Variants in PDZRN4 observed in about 807,000 individuals in gnomAD.
The protein encoded by PDZRN4 is PDZ domain-containing RING finger protein 4.
In PDZRN4, 70 loss-of-function variants were observed where a neutral mutation model predicts 99.0. The observed-to-expected ratio is 0.71, with a 90% CI of 0.58 to 0.86. The LOEUF (loss-of-function observed/expected upper bound fraction) is 0.86. PDZRN4 is among the 40% of genes least tolerant of loss of function. The pLI is 0.00. For synonymous variants in PDZRN4, 551 were observed against 501.6 expected (o/e 1.10, Z -1.32); for missense variants, 1,474 against 1,331.2 (o/e 1.11, Z -1.67).
At position 41,188,604 on chromosome 12, in the gene PDZRN4, G is replaced by A. The variant is rs1950709973; in HGVS notation, c.149G>A (p.Arg50His). Residue 50 changes from arginine to histidine, a missense_variant, in exon 1 of 10, where the codon CGC (arginine) becomes CAC (histidine). Arg to His is a conservative substitution (Grantham distance 29). Transcript: ENST00000402685. ...SCLLPWAVRR[R>H]RCPLQCQPLA... is the part of the protein sequence containing the mutation. ...CTGTTGCCCTGGGCGGTGCGGAGGC[G>A]CCGGTGCCCGCTGCAGTGCCAGCCC... 1.2e-5 allele frequency: 18 copies of A among 1,539,386 alleles called. No homozygotes were observed. The highest frequency in any genetic ancestry group is 1.6e-5 in the Non-Finnish European group (18 of 1,149,292).
intron 3 of PDZRN4, chr12:41,410,015 A>G (rs1017782197): frequency 6.6e-6 from 1 of 152,224 alleles, no homozygotes; most frequent in African/African-American, 2.4e-5. Flanking sequence ...CATCTGCAAT[A>G]ACCCTGTTTT....
At chr12:41,262,087 T>C (rs1951244284) in intron 3 of PDZRN4, among the ~76,000 whole-genome samples, 1 of 152,190 alleles carries the variant, frequency 6.6e-6, no homozygotes, top group South Asian at 2.1e-4. Flanking sequence ...GCCTCCCCCG[T>C]GATTCCATTT....
intron 3 of PDZRN4, among the ~76,000 whole-genome samples, chr12:41,217,809 CCT>C (rs1950931218): frequency 6.6e-6 from 1 of 151,958 alleles, no homozygotes; most frequent in East Asian, 1.9e-4. Flanking sequence ...ACATTTTGGC[CCT>C]GTTTCCCAGT....
chr12:41,304,360 C>A (rs1951556320), intron 3 of PDZRN4, among the ~76,000 whole-genome samples: 2 of 152,116 alleles, frequency 1.3e-5, no homozygotes, highest in African/African-American at 4.8e-5. Flanking sequence ...AATCCAAAAA[C>A]TAAAAATAAA....
At chr12:41,327,552 G>A (rs1037657050) in intron 3 of PDZRN4, among the ~76,000 whole-genome samples, 1 of 152,148 alleles carries the variant, frequency 6.6e-6, no homozygotes, top group Non-Finnish European at 1.5e-5. Flanking sequence ...TAAAACCTAT[G>A]TGTAGCTTGT....
intron 3 of PDZRN4, among the ~76,000 whole-genome samples, chr12:41,441,465 T>C (rs557552191): frequency 8.5e-5 from 13 of 152,154 alleles, no homozygotes; most frequent in Non-Finnish European, 1.6e-4. Flanking sequence ...GAACCTGCAT[T>C]GAAAGTAACA....
At chr12:41,374,826 G>A (rs1952067965) in intron 3 of PDZRN4, among the ~76,000 whole-genome samples, 1 of 152,180 alleles carries the variant, frequency 6.6e-6, no homozygotes, top group South Asian at 2.1e-4. Flanking sequence ...AAGAGGTGAA[G>A]TTGAAATTTA....
chr12:41,222,935 C>T (rs74828918), intron 3 of PDZRN4, among the ~76,000 whole-genome samples: 3,714 of 152,224 alleles, frequency 0.024, 113 homozygotes, highest in African/African-American at 0.072. Context: ...ATAATTCTTA[C>T]CTTGGCTAGA....
At chr12:41,402,800 A>G (rs1952313747) in intron 3 of PDZRN4, among the ~76,000 whole-genome samples, 1 of 151,360 alleles carries the variant, frequency 6.6e-6, no homozygotes, top group East Asian at 1.9e-4. Context: ...ACAATCCAAA[A>G]GAAACAAATA....
chr12:41,533,854 CTT>C (rs1938705434), intron 5 of PDZRN4, among the ~76,000 whole-genome samples: 1 of 152,102 alleles, frequency 6.6e-6, no homozygotes, highest in Admixed American at 6.6e-5. Context: ...CTATGCCTCT[CTT>C]GTTTTGCCTT....
chr12:41,249,877 C>T (rs1046266668), intron 3 of PDZRN4, among the ~76,000 whole-genome samples: 2 of 152,156 alleles, frequency 1.3e-5, no homozygotes, highest in East Asian at 3.8e-4. Flanking sequence ...GAAGCCTTTC[C>T]TTCATTTATA....
intron 3 of PDZRN4, among the ~76,000 whole-genome samples, chr12:41,501,420 A>C (rs1395283239): frequency 6.6e-6 from 1 of 152,192 alleles, no homozygotes; most frequent in Non-Finnish European, 1.5e-5. Flanking sequence ...AGCTGAGGCC[A>C]CTAGGCACTC....
Position 41,289,848 on chromosome 12 carries a change from C to T in PDZRN4, c.843+95660C>T, listed in dbSNP as rs1009740810. On this transcript the variant is annotated intron_variant, in intron 3 of 9. Transcript: ENST00000402685. Reference sequence around the variant, plus strand: ...AGATTGGGGATAGTGAAGAAAATAGCGGTGCAAAGTTCTTTGCCATTAACT... The same window carrying T: ...AGATTGGGGATAGTGAAGAAAATAGTGGTGCAAAGTTCTTTGCCATTAACT... 1.3e-4 allele frequency among the ~76,000 whole-genome samples: 20 copies of T among 152,306 alleles called. No homozygotes were observed. The East Asian group carries it at 3.1e-3, about 23-fold the overall frequency.
At chr12:41,360,635 AATT>A (rs1251060522) in intron 3 of PDZRN4, among the ~76,000 whole-genome samples, 3 of 152,092 alleles carry the variant, frequency 2.0e-5, no homozygotes, top group African/African-American at 7.2e-5. Flanking sequence ...GGTGCAAAAA[AATT>A]AATGAATAAT....
chr12:41,388,282 A>G (rs913597997), intron 3 of PDZRN4, among the ~76,000 whole-genome samples: 5 of 152,152 alleles, frequency 3.3e-5, no homozygotes, highest in Admixed American at 2.6e-4. Context: ...AGGGTCAGGA[A>G]AAATAACTAA....
chr12:41,276,077 T>A (rs917739478), intron 3 of PDZRN4, among the ~76,000 whole-genome samples: 5 of 152,114 alleles, frequency 3.3e-5, no homozygotes, highest in Non-Finnish European at 7.4e-5. Flanking sequence ...GTGAATGGTG[T>A]AGGAAGCCTA....
intron 3 of PDZRN4, among the ~76,000 whole-genome samples, chr12:41,464,353 GAGTTCA>G (rs1189011809): frequency 1.3e-5 from 2 of 151,960 alleles, no homozygotes; most frequent in Non-Finnish European, 2.9e-5. Context: ...TAAAATGGAA[GAGTTCA>G]AGTTCAAGTG....
intron 3 of PDZRN4, among the ~76,000 whole-genome samples, chr12:41,378,759 G>A (rs1404827585): frequency 6.6e-6 from 1 of 152,082 alleles, no homozygotes; most frequent in Non-Finnish European, 1.5e-5. Flanking sequence ...CTGACCTCAG[G>A]TGATCTGCCC....
At chr12:41,492,793 A>G (rs1024332083) in intron 3 of PDZRN4, among the ~76,000 whole-genome samples, 2 of 152,126 alleles carry the variant, frequency 1.3e-5, no homozygotes, top group Non-Finnish European at 2.9e-5. Context: ...GCTATTTGTA[A>G]GCTGCCACTA....
Sources: gnomAD v4.1 joint callset for allele counts (sites outside exome capture counted in the v4.1 genomes callset) on GRCh38, gnomAD v4.1.1 for gene constraint, MANE v1.5 for transcripts, NCBI Gene and HGNC (gene_info 2026-07-23, HGNC 2026-07-21) for gene names.